Variants in EFTUD2 observed in about 807,000 individuals in gnomAD.
EFTUD2 encodes the protein elongation factor Tu GTP binding domain containing 2, also known as 116 kDa U5 small nuclear ribonucleoprotein component.
In EFTUD2, 9 loss-of-function variants were observed where a neutral mutation model predicts 114.3. The ratio of observed to expected loss-of-function variants is 0.08; its 90% CI spans 0.05 to 0.14. EFTUD2 has a LOEUF of 0.14. EFTUD2 is among the 10% of genes least tolerant of loss of function. The pLI, the probability that EFTUD2 is intolerant of heterozygous loss-of-function variation, is 1.00. For missense variants in EFTUD2, 765 were observed against 1,241.2 expected (o/e 0.62, Z 5.76); for synonymous variants, 449 against 462.3 (o/e 0.97, Z 0.37).
At chr17:44,869,795 C>A (rs2145493915) in intron 11 of EFTUD2, among the ~76,000 whole-genome samples, 1 of 152,322 alleles carries the variant, frequency 6.6e-6, no homozygotes, top group South Asian at 2.1e-4. Context: ...AGCCCTACCC[C>A]ACCCCTAAAT....
rs540282116 is a variant in EFTUD2, at chr17:44,858,070, C to T, written c.1963-913G>A. 9.9e-5 allele frequency among the ~76,000 whole-genome samples: 15 copies of T among 151,860 alleles called. 1 individual carries two copies. The South Asian group carries it at 2.9e-3, about 30-fold the overall frequency. The stretch of plus-strand genomic sequence containing the variant: ...CTGAGTAGCTGGGATTACAGGTGCC[C>T]GCCACCATGTCTGGCTAATTTTTGT... On this transcript the variant is annotated intron_variant, in intron 19 of 27. Transcript: ENST00000426333.
chr17:44,872,854 C>A, intron 10 of EFTUD2: 1 of 194,254 alleles, frequency 5.1e-6, no homozygotes, highest in Non-Finnish European at 1.1e-5. Flanking sequence ...AGGACAGAGA[C>A]AAAAACCTTA....
At chr17:44,867,780 C>T in intron 13 of EFTUD2, 27 bp downstream of exon 13, 5 of 1,526,892 alleles carry the variant, frequency 3.3e-6, no homozygotes, top group Non-Finnish European at 4.4e-6. Context: ...AAGAGCAGAT[C>T]TGCCCAGTGT....
chr17:44,896,979 G>A (rs1372421350), intron 1 of EFTUD2, among the ~76,000 whole-genome samples: 1 of 152,150 alleles, frequency 6.6e-6, no homozygotes, highest in African/African-American at 2.4e-5. Context: ...CACTTTGGGA[G>A]GCTGAGGTGG....
At chr17:44,884,969 G>C (rs2145553424) in intron 4 of EFTUD2, among the ~76,000 whole-genome samples, 1 of 152,270 alleles carries the variant, frequency 6.6e-6, no homozygotes, top group East Asian at 1.9e-4. Context: ...AACAGGCTCT[G>C]GTGGATCCAA....
chr17:44,879,416 A>G (rs937878031), intron 9 of EFTUD2, 140 bp downstream of exon 9: 88 of 818,410 alleles, frequency 1.1e-4, no homozygotes, highest in Non-Finnish European at 1.7e-4. Context: ...TGCTGCTTTA[A>G]TTTTAGAGCA....
At chr17:44,856,380 A>G (rs932452083) in intron 20 of EFTUD2, among the ~76,000 whole-genome samples, 1 of 151,818 alleles carries the variant, frequency 6.6e-6, no homozygotes, top group Non-Finnish European at 1.5e-5. Context: ...AATACAAAAA[A>G]TTAGCCAGGT....
rs2050443141 is a variant in EFTUD2 at position 44,851,304 on chromosome 17, T to C, written c.2889A>G (p.Lys963=). 1.2e-6 allele frequency: 2 copies of C among 1,614,168 alleles called. No homozygotes were observed. The highest frequency in any genetic ancestry group is 1.7e-6 in the Non-Finnish European group (2 of 1,180,030). ...FDDPMLLELA[K]QDVVLNYPM ...TGGGGTAATTGAGCACAACATCCTG[T>C]TTGGCAAGTTCCAGCAACATAGGAT... The change falls in exon 28 of 28, where the codon AAA becomes AAG. Residue 963 remains lysine (K), a synonymous_variant. Coordinates refer to ENST00000426333, the MANE Select transcript of EFTUD2 (RefSeq NM_004247.4).
rs1383857736 is a variant in EFTUD2, at chr17:44,863,807, T to C, written c.1286-25A>G. 3.1e-6 allele frequency: 5 copies of C among 1,612,238 alleles called. No individual in the cohort carries two copies. The African/African-American group carries it at 5.3e-5, about 17-fold the overall frequency. ...CCTGTGGATGGAGAAGAGAAAGCCA[T>C]TAATACATGCCTTCCCAGGGAGCAC... is the stretch of plus-strand genomic sequence containing the variant. On this transcript the variant is annotated intron_variant, in intron 14 of 27. Transcript: ENST00000426333.
chr17:44,880,379 C>T (rs2051051553), intron 8 of EFTUD2, 175 bp downstream of exon 8: 2 of 528,246 alleles, frequency 3.8e-6, no homozygotes, highest in Non-Finnish European at 6.8e-6. Context: ...GAGTATGATG[C>T]TTGCTAAATT....
chr17:44,865,276 T>A (rs1597800156), intron 13 of EFTUD2: 1 of 557,244 alleles, frequency 1.8e-6, no homozygotes, highest in Non-Finnish European at 3.0e-6. Flanking sequence ...CTTGGTTACA[T>A]CCCCATCCCA....
At position 44,851,757 on chromosome 17, in the gene EFTUD2, C is replaced by G; in HGVS notation, c.2776G>C (p.Ala926Pro). Residue 926 changes from alanine (A) to proline (P), a missense_variant, in exon 27 of 28, where the codon GCT (alanine) becomes CCT (proline). Transcript: ENST00000426333. ...ATGAATTCCCGGGCCAGGTGAGGAG[C>G]TGGCTGTGGCTCCAAGGGGCGGATG... Reference protein sequence around the residue: ...IVIRPLEPQPAPHLAREFMIK... With the variant: ...IVIRPLEPQPPPHLAREFMIK... The G allele has an allele frequency of 6.2e-7, 1 of 1,601,300 alleles. No individual in the cohort carries two copies. The highest frequency in any genetic ancestry group is 8.5e-7 in the Non-Finnish European group (1 of 1,175,596).
rs1444672336 is a variant in EFTUD2 at position 44,888,093 on chromosome 17, G to A, written c.106-1343C>T. ...TACCTGGGGAAGAGCATTCTAGTCG[G>A]CTGGTGAAACAGCGAATGCAAAGGC... On this transcript the variant is annotated intron_variant, in intron 2 of 27. Coordinates refer to ENST00000426333, the MANE Select transcript of EFTUD2 (RefSeq NM_004247.4). 4.6e-5 allele frequency among the ~76,000 whole-genome samples: 7 copies of A among 152,194 alleles called. 1 individual carries two copies. The highest frequency in any genetic ancestry group is 7.3e-5 in the Non-Finnish European group (5 of 68,034).
chr17:44,863,132 G>C (rs1385540103), intron 15 of EFTUD2: 1 of 420,772 alleles, frequency 2.4e-6, no homozygotes, highest in Non-Finnish European at 4.2e-6. Flanking sequence ...GGGAGGATAA[G>C]GGCATTGAGG....
In EFTUD2 at chr17:44,859,109, G is replaced by A. The variant is rs1230495188; in HGVS notation, c.1933C>T (p.Arg645Trp). 3 of 1,613,424 alleles carry A rather than the reference G, an allele frequency of 1.9e-6. No homozygotes were observed. The highest frequency in any genetic ancestry group is 2.5e-6 in the Non-Finnish European group (3 of 1,179,546). ...ATGTCTATCTCTGAGTACATCTTCC[G>A]CAAATCATGCATCACACAGTCCAGG... The part of the protein sequence containing the change: ...LYLDCVMHDL[R>W]KMYSEIDIKV... Residue 645 changes from arginine (R) to tryptophan (W), a missense_variant, in exon 19 of 28, where the codon CGG becomes TGG. Arg to Trp is a moderately radical substitution (Grantham distance 101). Coordinates refer to ENST00000426333, the MANE Select transcript of EFTUD2 (RefSeq NM_004247.4).
chr17:44,886,811 A>T, intron 2 of EFTUD2, 61 bp from the exon 3 acceptor site: 1 of 1,550,520 alleles, frequency 6.4e-7, no homozygotes, highest in Non-Finnish European at 8.7e-7. Context: ...TTGATATCTG[A>T]CTACCTCCGT....
Position 44,850,535 on chromosome 17 carries a change from G to C in EFTUD2, c.*739C>G. The C allele has an allele frequency of 3.3e-6, 2 of 608,428 alleles. No individual in the cohort carries two copies. The highest frequency in any genetic ancestry group is 2.1e-5 in the South Asian group (1 of 46,920). The allele number at this position is 608,428 out of a possible 1,614,324, so 37.7% of individuals were successfully genotyped here. A position where few individuals can be genotyped will look rare whatever the true frequency, so the allele number is the denominator to read the frequency against. On this transcript the variant is annotated 3_prime_UTR_variant, in exon 28 of 28. Transcript: ENST00000426333. ...GTAAGGGACTGGTGGTAGCTGGGGA[G>C]AGGACTTGGAGTAAATGGCTGGAAA... is the stretch of plus-strand genomic sequence containing the variant.
intron 10 of EFTUD2, among the ~76,000 whole-genome samples, chr17:44,874,171 A>G (rs1008555432): frequency 2.6e-5 from 4 of 151,220 alleles, no homozygotes; most frequent in Admixed American, 2.0e-4. Flanking sequence ...CCTCCCGAGT[A>G]GCTAAGACTA....
intron 2 of EFTUD2, 63 bp from the exon 3 acceptor site, chr17:44,886,813 T>C: frequency 6.5e-7 from 1 of 1,547,622 alleles, no homozygotes; most frequent in South Asian, 1.2e-5. Flanking sequence ...GATATCTGAC[T>C]ACCTCCGTGA....
Sources: gnomAD v4.1 joint callset for allele counts (sites outside exome capture counted in the v4.1 genomes callset) on GRCh38, gnomAD v4.1.1 for gene constraint, MANE v1.5 for transcripts, NCBI Gene and HGNC (gene_info 2026-07-23, HGNC 2026-07-21) for gene names.